The following DYRK4 variants were observed in gnomAD, a reference collection of about 807,000 sequenced individuals.
The protein encoded by DYRK4 is dual specificity tyrosine phosphorylation regulated kinase 4.
In DYRK4, 64 loss-of-function variants were observed where a neutral mutation model predicts 68.3. That is an observed-to-expected ratio of 0.94 (90% confidence interval 0.77 to 1.15). The LOEUF (loss-of-function observed/expected upper bound fraction) is 1.15, where lower values mean the gene tolerates loss of function less well. Among genes scored for constraint, DYRK4 ranks in the 50% most tolerant of loss-of-function variants. DYRK4 has a pLI of 0.00. For synonymous variants in DYRK4, 274 were observed against 289.9 expected, an observed-to-expected ratio of 0.95 and a Z score of 0.56; for missense variants, 740 against 764.7, an observed-to-expected ratio of 0.97 and a Z score of 0.38.
chr12:4,575,326 C>T (rs984598597), intron 2 of DYRK4, among the ~76,000 whole-genome samples: 3 of 52,712 alleles, frequency 5.7e-5, no homozygotes, highest in South Asian at 3.9e-4. Flanking sequence ...TGTGTGTTTT[C>T]GAAACGGAGT....
At chr12:4,598,929 C>T in intron 8 of DYRK4, 99 bp from the exon 9 acceptor site, 1 of 1,404,984 alleles carries the variant, frequency 7.1e-7, no homozygotes, top group South Asian at 1.3e-5. Context: ...TTGCCTGCTA[C>T]TAGACGGAAA....
Position 4,599,079 on chromosome 12 carries a change from G to C in DYRK4, c.957G>C (p.Leu319=). 6.2e-7 allele frequency: 1 copy of C among 1,614,046 alleles called. No homozygotes were observed. ...MKNNNFQGFS[L]SIVRRFTLSV... is the part of the protein sequence containing the mutation. ...ATAACAACTTTCAAGGCTTCAGTCTGTCCATAGTTCGGCGCTTCACTCTCT... is the reference window on the plus strand; with the variant it reads ...ATAACAACTTTCAAGGCTTCAGTCTCTCCATAGTTCGGCGCTTCACTCTCT... Residue 319 remains leucine, a synonymous_variant, in exon 9 of 15, where the codon CTG becomes CTC. Coordinates refer to ENST00000543431, the MANE Select transcript of DYRK4 (RefSeq NM_001394779.1).
chr12:4,602,666 G>A (rs1945094666), intron 10 of DYRK4: 7 of 1,417,958 alleles, frequency 4.9e-6, no homozygotes, highest in Non-Finnish European at 6.0e-6. Flanking sequence ...ACCTGCTGAG[G>A]GTCATTTTCT....
intron 8 of DYRK4, chr12:4,597,240 C>T: frequency 1.4e-6 from 1 of 732,312 alleles, no homozygotes. Flanking sequence ...AATATTGGAG[C>T]TGACAAGGCA....
Position 4,612,708 on chromosome 12 carries a change from G to C in DYRK4, c.1656G>C (p.Ser552=). 6.2e-7 allele frequency: 1 copy of C among 1,614,102 alleles called. No homozygotes were observed. The highest frequency in any genetic ancestry group is 1.7e-5 in the Admixed American group (1 of 60,014). Residue 552 remains serine (S), a synonymous_variant, in exon 14 of 15, where the codon TCG becomes TCC. Coordinates refer to ENST00000543431, the MANE Select transcript of DYRK4 (RefSeq NM_001394779.1). The part of the protein sequence containing the change: ...RKDKVQGCHH[S]SRKDEITKET... ...ACAAGGTTCAAGGCTGTCATCACTC[G>C]AGCAGAAAAGGTACAGCCTGTCAAA... is the stretch of plus-strand genomic sequence containing the variant.
Position 4,613,098 on chromosome 12 carries a change from T to C in DYRK4, c.1666+380T>C, listed in dbSNP as rs61909658. Among the ~76,000 whole-genome samples, 2,836 of 152,356 alleles carry C rather than the reference T, an allele frequency of 0.019. 41 individuals are homozygous for C. Among genetic ancestry groups the C allele is most frequent in the Non-Finnish European group, 0.029 (1,964 of 68,024 alleles). ...TTTTCATTAACTGCGTCCACCCCTT[T>C]ATGCCCTATAATTACCTTTAGAATT... On this transcript the variant is annotated intron_variant, in intron 14 of 14. Coordinates refer to ENST00000543431, the MANE Select transcript of DYRK4 (RefSeq NM_001394779.1). This position sits in a 1 kb window ranked among gnomAD's most constrained non-coding sequence, Gnocchi z 4.0.
intron 11 of DYRK4, among the ~76,000 whole-genome samples, chr12:4,606,887 C>A (rs896087856): frequency 6.6e-6 from 1 of 152,206 alleles, no homozygotes; most frequent in Non-Finnish European, 1.5e-5. Flanking sequence ...GTAGGTGCTA[C>A]ACTTTTCTTT....
chr12:4,606,749 T>C (rs1945156368), intron 11 of DYRK4, among the ~76,000 whole-genome samples: 1 of 152,222 alleles, frequency 6.6e-6, no homozygotes. Flanking sequence ...TCAAAGGGTC[T>C]GAGGAACAGA....
Position 4,591,050 on chromosome 12 carries a change from G to A in DYRK4, c.325-110G>A, listed in dbSNP as rs1944948483. On this transcript the variant is annotated intron_variant, in intron 4 of 14. Transcript: ENST00000543431. The surrounding 1 kb of genome is among the most constrained non-coding windows in gnomAD (Gnocchi z 4.1). ...TTAATCGCTGTTTTCTCCCTGGAGA[G>A]GTAGGTAAAGAGCCTGGCTGAAGGT... 1.5e-6 allele frequency: 2 copies of A among 1,292,374 alleles called. No individual in the cohort carries two copies. Among genetic ancestry groups the A allele is most frequent in the South Asian group, 1.5e-5 (1 of 67,046 alleles). The allele number at this position is 1,292,374 out of a possible 1,614,324, so 80.1% of individuals were successfully genotyped here. A position where few individuals can be genotyped will look rare whatever the true frequency, so the allele number is the denominator to read the frequency against.
chr12:4,564,836 G>A lies in DYRK4; in HGVS notation c.38+2553G>A, dbSNP rs187536244. ...CCAAAAGGAATTTTTTAAAAATGCA[G>A]GATCACCATCTATGTCTCCAAAAGA... is the stretch of plus-strand genomic sequence containing the variant. On this transcript the variant is annotated intron_variant, in intron 1 of 14. Transcript: ENST00000543431. Among the ~76,000 whole-genome samples, 6 of 152,230 alleles carry A rather than the reference G, an allele frequency of 3.9e-5. No individual in the cohort carries two copies. The East Asian group carries it at 1.2e-3, about 29-fold the overall frequency.
chr12:4,569,124 G>A (rs916519104), intron 2 of DYRK4, among the ~76,000 whole-genome samples: 1 of 152,064 alleles, frequency 6.6e-6, no homozygotes, highest in South Asian at 2.1e-4. Context: ...GTCCCCCTTG[G>A]GATTATAACT....
chr12:4,596,181 A>G lies in DYRK4; in HGVS notation c.660A>G (p.Glu220=), dbSNP rs759990645. The change falls in exon 7 of 15, where the codon GAA becomes GAG. Residue 220 remains glutamate, a synonymous_variant. Coordinates refer to ENST00000543431, the MANE Select transcript of DYRK4 (RefSeq NM_001394779.1). ...ATGATCACATTGCCTACCGCTATGA[A>G]GTTCTGGAGACAATCGGGAAGGGGT... is the stretch of plus-strand genomic sequence containing the variant. ...VLHDHIAYRY[E]VLETIGKGSF... is the part of the protein sequence containing the mutation. 1 of 1,614,190 alleles carries G rather than the reference A, an allele frequency of 6.2e-7. No individual in the cohort carries two copies. Among genetic ancestry groups the G allele is most frequent in the Admixed American group, 1.7e-5 (1 of 60,028 alleles).
At chr12:4,599,852 A>C in intron 10 of DYRK4, 64 bp downstream of exon 10, 1 of 1,386,692 alleles carries the variant, frequency 7.2e-7, no homozygotes, top group Middle Eastern at 1.8e-4. Flanking sequence ...CTTCACATAC[A>C]AGGTCACCTG....
At position 4,610,195 on chromosome 12, in the gene DYRK4, G is replaced by A. The variant is rs1565543994; in HGVS notation, c.1401G>A (p.Gly467=). Residue 467 remains glycine (G), a synonymous_variant, in exon 13 of 15, where the codon GGG becomes GGA. Transcript: ENST00000543431. The stretch of plus-strand genomic sequence containing the variant: ...CTAAAAATATAACCAACAACAGGGG[G>A]AAAAAAAGATACCCAGATTCCAAGG... The part of the protein sequence containing the change: ...GFPKNITNNR[G]KKRYPDSKDL... 1 of 1,601,834 alleles carries A rather than the reference G, an allele frequency of 6.2e-7. No homozygotes were observed. Among genetic ancestry groups the A allele is most frequent in the Non-Finnish European group, 8.5e-7 (1 of 1,175,340 alleles).
In DYRK4 at chr12:4,574,430, A is replaced by C. The variant is rs567527790; in HGVS notation, c.132+6382A>C. Among the ~76,000 whole-genome samples the C allele has an allele frequency of 3.7e-4, 56 of 152,280 alleles. No individual in the cohort carries two copies. The South Asian group carries it at 5.6e-3, about 15-fold the overall frequency. On this transcript the variant is annotated intron_variant, in intron 2 of 14. Coordinates refer to ENST00000543431, the MANE Select transcript of DYRK4 (RefSeq NM_001394779.1). ...CATGTTTTTTAAAAATATATATGGAATCATACTGTTGAGTGTTCTTCTGCA... is the reference window on the plus strand; with the variant it reads ...CATGTTTTTTAAAAATATATATGGACTCATACTGTTGAGTGTTCTTCTGCA...
At chr12:4,573,051 AG>A (rs1295160404) in intron 2 of DYRK4, 2 of 312,574 alleles carry the variant, frequency 6.4e-6, no homozygotes, top group African/African-American at 4.5e-5. Flanking sequence ...CAAACAGCAG[AG>A]ATGTGAATTG....
intron 2 of DYRK4, among the ~76,000 whole-genome samples, chr12:4,585,707 A>T (rs898871999): frequency 3.9e-5 from 6 of 152,220 alleles, no homozygotes; most frequent in African/African-American, 1.4e-4. Flanking sequence ...CAGCACACCA[A>T]CATGGCAAAT....
At chr12:4,599,249 C>A in intron 9 of DYRK4, 83 bp downstream of exon 9, 4 of 1,161,022 alleles carry the variant, frequency 3.4e-6, no homozygotes, top group Non-Finnish European at 4.9e-6. Flanking sequence ...TCACAAACTC[C>A]AATCAAATAA....
chr12:4,612,417 C>A, intron 13 of DYRK4, 126 bp from the exon 14 acceptor site: 1 of 1,019,432 alleles, frequency 9.8e-7, no homozygotes, highest in Non-Finnish European at 1.4e-6. Context: ...AATCTCTGTT[C>A]TATGATTATA....
Sources: gnomAD v4.1 joint callset for allele counts (sites outside exome capture counted in the v4.1 genomes callset) on GRCh38, gnomAD v4.1.1 for gene constraint, Gnocchi (gnomAD v3.1) non-coding constraint, MANE v1.5 for transcripts, NCBI Gene and HGNC (gene_info 2026-07-23, HGNC 2026-07-21) for gene names.